The following TMCC3 variants were observed in gnomAD, a reference collection of about 807,000 sequenced individuals.
The protein encoded by TMCC3 is transmembrane and coiled-coil domain protein 3.
In TMCC3, 28 loss-of-function variants were observed where a neutral mutation model predicts 40.2. That is an observed-to-expected ratio of 0.70 (90% CI 0.52 to 0.95). TMCC3 has a LOEUF of 0.95. TMCC3 is among the 40% of genes least tolerant of loss of function. TMCC3 has a pLI of 0.00. For synonymous variants in TMCC3, 255 were observed against 248.5 expected, an observed-to-expected ratio of 1.03 and a Z score of -0.25; for missense variants, 554 against 615.2, an observed-to-expected ratio of 0.90 and a Z score of 1.05.
At chr12:94,597,243 A>G (rs1333944009) in intron 1 of TMCC3, among the ~76,000 whole-genome samples, 1 of 145,994 alleles carries the variant, frequency 6.8e-6, no homozygotes, top group Non-Finnish European at 1.5e-5. Context: ...TGAACCCAGG[A>G]GTTTGAGGCT....
chr12:94,642,611 C>T (rs2068996536), intron 1 of TMCC3, among the ~76,000 whole-genome samples: 1 of 152,216 alleles, frequency 6.6e-6, no homozygotes, highest in African/African-American at 2.4e-5. Context: ...GGAAGCAATC[C>T]TTGAAAAGAT....
chr12:94,609,494 A>T lies in TMCC3; in HGVS notation c.79-26956T>A, dbSNP rs1305347402. Among the ~76,000 whole-genome samples, 3 of 152,082 alleles carry T rather than the reference A, an allele frequency of 2.0e-5. No individual in the cohort carries two copies. The East Asian group carries it at 5.8e-4, about 29-fold the overall frequency. On this transcript the variant is annotated intron_variant, in intron 1 of 3. Transcript: ENST00000261226. ...GTTACTCAGAACTTCTGCTGCTCTG[A>T]CCTCATATTCTTAGCAACTTGATTT...
chr12:94,646,431 CT>C (rs34398994), intron 1 of TMCC3, among the ~76,000 whole-genome samples: 2,903 of 90,672 alleles, frequency 0.032, 9 homozygotes, highest in Middle Eastern at 0.079. Flanking sequence ...AAGCACACAC[CT>C]TTTTTTTTTT....
At chr12:94,649,049 A>G (rs1280295048) in intron 1 of TMCC3, among the ~76,000 whole-genome samples, 1 of 152,254 alleles carries the variant, frequency 6.6e-6, no homozygotes, top group Non-Finnish European at 1.5e-5. Context: ...GCAAACTGTT[A>G]CGAAACTTAT....
chr12:94,575,118 C>G (rs1244532449), intron 3 of TMCC3, among the ~76,000 whole-genome samples: 2 of 152,204 alleles, frequency 1.3e-5, no homozygotes, highest in Non-Finnish European at 2.9e-5. Context: ...AAAAACCACT[C>G]AGTTGTTTAA....
At chr12:94,602,389 A>G (rs1375804644) in intron 1 of TMCC3, among the ~76,000 whole-genome samples, 1 of 152,222 alleles carries the variant, frequency 6.6e-6, no homozygotes, top group African/African-American at 2.4e-5. Flanking sequence ...AGGAACATCA[A>G]AAGTTTAAGA....
In TMCC3 at chr12:94,567,726, CCA is replaced by C. The variant is rs2068503437; in HGVS notation, c.*3707_*3708del. On this transcript the variant is annotated 3_prime_UTR_variant, in exon 4 of 4. Transcript: ENST00000261226. ...GGTGCCATTTCTTCCTACCCCCAGC[CCA>C]CTCCTCAGAATTACAGAAATATGTA... The C allele has an allele frequency of 6.6e-6, 1 of 152,122 alleles. No homozygotes were observed. 9.4% of individuals were successfully genotyped at this position (152,122 alleles called of 1,614,324 possible).
intron 1 of TMCC3, among the ~76,000 whole-genome samples, chr12:94,595,912 G>C (rs1240534829): frequency 6.6e-6 from 1 of 152,138 alleles, no homozygotes; most frequent in Non-Finnish European, 1.5e-5. Context: ...TTTTGGTACA[G>C]TATTTCTGGC....
intron 1 of TMCC3, among the ~76,000 whole-genome samples, chr12:94,588,168 A>G (rs1228545385): frequency 1.3e-5 from 2 of 152,204 alleles, no homozygotes; most frequent in Non-Finnish European, 2.9e-5. Context: ...AGTCACCACC[A>G]GTGCGGCTTG....
chr12:94,629,693 GCA>G (rs1300984324), intron 1 of TMCC3, among the ~76,000 whole-genome samples: 4 of 152,190 alleles, frequency 2.6e-5, no homozygotes, highest in Non-Finnish European at 5.9e-5. Context: ...GACACCTACA[GCA>G]CAGTGTTGCC....
At chr12:94,627,163 T>C (rs1026990713) in intron 1 of TMCC3, among the ~76,000 whole-genome samples, 3 of 152,120 alleles carry the variant, frequency 2.0e-5, no homozygotes, top group Admixed American at 2.0e-4. Flanking sequence ...GCCACACTTA[T>C]GGAAACTGAA....
intron 1 of TMCC3, among the ~76,000 whole-genome samples, chr12:94,640,614 T>C (rs1566337783): frequency 1.3e-5 from 2 of 152,100 alleles, no homozygotes; most frequent in Non-Finnish European, 2.9e-5. Flanking sequence ...ATCAAGCAAA[T>C]AACAGTGCAG....
chr12:94,594,123 G>A (rs887272960), intron 1 of TMCC3, among the ~76,000 whole-genome samples: 1 of 152,046 alleles, frequency 6.6e-6, no homozygotes, highest in Non-Finnish European at 1.5e-5. Context: ...TTGGGAAAGG[G>A]AAGTGTACAT....
chr12:94,608,954 C>T (rs2068799367), intron 1 of TMCC3, among the ~76,000 whole-genome samples: 1 of 152,164 alleles, frequency 6.6e-6, no homozygotes, highest in Non-Finnish European at 1.5e-5. Context: ...GGAATTTGGG[C>T]CAGGCGCTGT....
chr12:94,615,181 G>A (rs1467632142), intron 1 of TMCC3, among the ~76,000 whole-genome samples: 1 of 152,190 alleles, frequency 6.6e-6, no homozygotes, highest in South Asian at 2.1e-4. Context: ...TGTCAATATA[G>A]AGAAGTCTTC....
At chr12:94,577,181 T>C (rs1329930697) in intron 3 of TMCC3, among the ~76,000 whole-genome samples, 1 of 152,194 alleles carries the variant, frequency 6.6e-6, no homozygotes, top group East Asian at 1.9e-4. Flanking sequence ...CTATTATTAA[T>C]TAATTAATTA....
At chr12:94,577,282 G>A (rs1052942399) in intron 3 of TMCC3, among the ~76,000 whole-genome samples, 15 of 152,138 alleles carry the variant, frequency 9.9e-5, no homozygotes, top group African/African-American at 2.7e-4. Context: ...TCTGCCTCCC[G>A]GATTCAAGCA....
intron 1 of TMCC3, among the ~76,000 whole-genome samples, chr12:94,646,730 T>G (rs1052629754): frequency 9.1e-6 from 1 of 109,794 alleles, no homozygotes. Flanking sequence ...TGAGCCACCG[T>G]GCCTGGCTTT....
intron 1 of TMCC3, among the ~76,000 whole-genome samples, chr12:94,588,364 G>C (rs1211665784): frequency 6.6e-6 from 1 of 152,220 alleles, no homozygotes; most frequent in Non-Finnish European, 1.5e-5. Flanking sequence ...ACTGAGGCAG[G>C]AGTCCTCTGA....
Sources: gnomAD v4.1 joint callset for allele counts (sites outside exome capture counted in the v4.1 genomes callset) on GRCh38, gnomAD v4.1.1 for gene constraint, MANE v1.5 for transcripts, NCBI Gene and HGNC (gene_info 2026-07-23, HGNC 2026-07-21) for gene names.